Variants in FBXO9 observed in about 807,000 individuals in gnomAD.
FBXO9 encodes F-box protein 9, also known as F-box only protein 9.
Under a neutral mutation model 63.7 loss-of-function variants are expected in FBXO9, and 43 were observed. That is an observed-to-expected ratio of 0.67 (90% CI 0.53 to 0.87). FBXO9 has a LOEUF of 0.87. Among genes scored for constraint, FBXO9 ranks in the 40% least tolerant of loss-of-function variants. FBXO9 has a pLI of 0.00. For missense variants in FBXO9, 442 were observed against 533.2 expected (o/e 0.83, Z 1.68); for synonymous variants, 156 against 171.7 (o/e 0.91, Z 0.72).
chr6:53,094,002 T>C, intron 11 of FBXO9, 24 bp downstream of exon 11: 1 of 1,446,598 alleles, frequency 6.9e-7, no homozygotes, highest in South Asian at 1.3e-5. Flanking sequence ...GTGTAATTAA[T>C]AGTTTTCTTA....
chr6:53,090,363 G>A (rs561114490), intron 7 of FBXO9, among the ~76,000 whole-genome samples: 42 of 152,204 alleles, frequency 2.8e-4, no homozygotes, highest in African/African-American at 9.9e-4. Flanking sequence ...CCATTAACTT[G>A]TAATTGTATG....
intron 7 of FBXO9, among the ~76,000 whole-genome samples, chr6:53,089,868 A>G (rs1457244320): frequency 2.0e-5 from 3 of 152,356 alleles, no homozygotes; most frequent in Admixed American, 1.3e-4. Context: ...AGTACTGCAC[A>G]CTGGTTCCAA....
chr6:53,093,417 A>C, intron 9 of FBXO9, 49 bp from the exon 10 acceptor site: 3 of 1,304,264 alleles, frequency 2.3e-6, no homozygotes, highest in Non-Finnish European at 3.3e-6. Flanking sequence ...GACATATTTT[A>C]TACTTTGTGT....
intron 1 of FBXO9, among the ~76,000 whole-genome samples, chr6:53,066,515 C>T (rs894866932): frequency 6.6e-6 from 1 of 152,246 alleles, no homozygotes; most frequent in Non-Finnish European, 1.5e-5. Context: ...AAACTAATCT[C>T]TGGCTGGGGC....
intron 4 of FBXO9, among the ~76,000 whole-genome samples, 178 bp from the exon 5 acceptor site, chr6:53,078,621 C>G (rs1717934129): frequency 6.6e-6 from 1 of 152,164 alleles, no homozygotes; most frequent in African/African-American, 2.4e-5. Flanking sequence ...GGAAAAGTTT[C>G]TTTCTGAGCA....
intron 4 of FBXO9, among the ~76,000 whole-genome samples, 161 bp downstream of exon 4, chr6:53,076,704 A>AG (rs1769123477): frequency 6.6e-6 from 1 of 152,086 alleles, no homozygotes; most frequent in Non-Finnish European, 1.5e-5. Flanking sequence ...GACCCTTTGT[A>AG]GATACCAAAA....
intron 3 of FBXO9, among the ~76,000 whole-genome samples, chr6:53,074,231 T>C (rs530163672): frequency 6.6e-6 from 1 of 152,246 alleles, no homozygotes; most frequent in East Asian, 1.9e-4. Flanking sequence ...TTCTTATTCT[T>C]CTTCCATAGA....
Position 53,100,356 on chromosome 6 carries a change from C to G in FBXO9, c.*2526C>G, listed in dbSNP as rs1408332452. The G allele has an allele frequency of 6.6e-6, 1 of 152,140 alleles. No individual in the cohort carries two copies. The highest frequency in any genetic ancestry group is 1.5e-5 in the Non-Finnish European group (1 of 68,022). The allele number at this position is 152,140 out of a possible 1,614,324, so 9.4% of individuals were successfully genotyped here. On this transcript the variant is annotated 3_prime_UTR_variant, in exon 13 of 13. Coordinates refer to ENST00000323557, the MANE Select transcript of FBXO9 (RefSeq NM_033480.3). Reference sequence around the variant, plus strand: ...AAGCTGACAGCAGTATCTGGATTAACTTTTTAAAAACAATGAAAGCATTTT... The same window carrying G: ...AAGCTGACAGCAGTATCTGGATTAAGTTTTTAAAAACAATGAAAGCATTTT...
intron 7 of FBXO9, chr6:53,092,197 T>G: frequency 2.3e-6 from 1 of 431,402 alleles, no homozygotes; most frequent in Non-Finnish European, 4.2e-6. Flanking sequence ...CTGACTCTAC[T>G]TTGTCTGTTG....
At chr6:53,093,288 TGTTGCTGGACTAACAGGTAGTCA>T (rs1763099249) in intron 9 of FBXO9, 155 bp from the exon 10 acceptor site, 2 of 472,828 alleles carry the variant, frequency 4.2e-6, no homozygotes, top group Non-Finnish European at 7.5e-6. Context: ...TTTGGTTCTT[TGTTGCTGGACTAACAGGTAGTCA>T]GTAATATTTG....
rs1261672397 is a variant in FBXO9 at position 53,100,266 on chromosome 6, CTT to C, written c.*2440_*2441del. 1 of 152,152 alleles carries C rather than the reference CTT, an allele frequency of 6.6e-6. No individual in the cohort carries two copies. The highest frequency in any genetic ancestry group is 1.5e-5 in the Non-Finnish European group (1 of 68,026). The allele number at this position is 152,152 out of a possible 1,614,324, so 9.4% of individuals were successfully genotyped here. A position where few individuals can be genotyped will look rare whatever the true frequency, so the allele number is the denominator to read the frequency against. On this transcript the variant is annotated 3_prime_UTR_variant, in exon 13 of 13. Coordinates refer to ENST00000323557, the MANE Select transcript of FBXO9 (RefSeq NM_033480.3). ...GTCTTTGCAAATCCTGCCGTAGAAA[CTT>C]TTTAACTTCAGGAGTGTCCTTCCTT...
chr6:53,096,474 C>T lies in FBXO9; in HGVS notation c.1205+810C>T, dbSNP rs142546874. 2.0e-3 allele frequency among the ~76,000 whole-genome samples: 310 copies of T among 152,240 alleles called. 1 individual carries two copies. The highest frequency in any genetic ancestry group is 6.5e-3 in the African/African-American group (268 of 41,542). Reference sequence around the variant, plus strand: ...AAACTGTGTCACATTTCCACTTTACCGATAACTTTTCCCTGCTCATTTGGA... The same window carrying T: ...AAACTGTGTCACATTTCCACTTTACTGATAACTTTTCCCTGCTCATTTGGA... On this transcript the variant is annotated intron_variant, in intron 12 of 12. Coordinates refer to ENST00000323557, the MANE Select transcript of FBXO9 (RefSeq NM_033480.3).
chr6:53,077,472 CAAAAAAAAAA>C (rs1173539613), intron 4 of FBXO9, among the ~76,000 whole-genome samples: 1 of 70,464 alleles, frequency 1.4e-5, no homozygotes, highest in South Asian at 7.4e-4. Context: ...GACTCCGTCT[CAAAAAAAAAA>C]AAAAAAAAAA....
chr6:53,096,329 A>G (rs1763208675), intron 12 of FBXO9, among the ~76,000 whole-genome samples: 2 of 152,246 alleles, frequency 1.3e-5, no homozygotes, highest in African/African-American at 2.4e-5. Context: ...CTCTTGTTCA[A>G]TTTGAAAGAA....
At position 53,076,483 on chromosome 6, in the gene FBXO9, T is replaced by C. The variant is rs1260518424; in HGVS notation, c.250-3T>C. On this transcript the variant is annotated splice_region_variant and splice_polypyrimidine_tract_variant and intron_variant, in intron 3 of 12. Coordinates refer to ENST00000323557, the MANE Select transcript of FBXO9 (RefSeq NM_033480.3). The stretch of plus-strand genomic sequence containing the variant: ...CAAAAATTTTTACTTTATATTTTTA[T>C]AGGCTCGAGAACTCTTCCTAAAAGC... 2.0e-6 allele frequency: 3 copies of C among 1,535,458 alleles called. No individual in the cohort carries two copies. Among genetic ancestry groups the C allele is most frequent in the East Asian group, 4.9e-5 (2 of 41,054 alleles).
Position 53,098,169 on chromosome 6 carries a change from GC to G in FBXO9, c.*340del. 2.6e-6 allele frequency: 1 copy of G among 386,422 alleles called. No individual in the cohort carries two copies. The highest frequency in any genetic ancestry group is 5.3e-6 in the Non-Finnish European group (1 of 187,686). 23.9% of individuals were successfully genotyped at this position (386,422 alleles called of 1,614,324 possible). On this transcript the variant is annotated 3_prime_UTR_variant, in exon 13 of 13. Coordinates refer to ENST00000323557, the MANE Select transcript of FBXO9 (RefSeq NM_033480.3). ...TGCCCTTTTTCAAGCAGATTTATGAGCAGATTTCTGTCACATAAGTCGTCTT... is the reference window on the plus strand; with the variant it reads ...TGCCCTTTTTCAAGCAGATTTATGAGAGATTTCTGTCACATAAGTCGTCTT...
intron 12 of FBXO9, among the ~76,000 whole-genome samples, chr6:53,095,989 C>G (rs1402430525): frequency 6.6e-6 from 1 of 152,152 alleles, no homozygotes; most frequent in African/African-American, 2.4e-5. Context: ...TGACTTAAAG[C>G]CATTTTAAAA....
chr6:53,093,570 T>A lies in FBXO9; in HGVS notation c.959+9T>A. 1 of 1,602,786 alleles carries A rather than the reference T, an allele frequency of 6.2e-7. No individual in the cohort carries two copies. Among genetic ancestry groups the A allele is most frequent in the Non-Finnish European group, 8.5e-7 (1 of 1,170,956 alleles). ...AGAACTAGGAATACCAGGTAGCATT[T>A]GTTTTTTAAATGGCTTTCCATCCAG... On this transcript the variant is annotated intron_variant, in intron 10 of 12. Transcript: ENST00000323557.
intron 1 of FBXO9, chr6:53,066,287 C>A: frequency 3.5e-6 from 1 of 285,142 alleles, no homozygotes; most frequent in Non-Finnish European, 5.3e-6. Flanking sequence ...TAGGACGCAT[C>A]TGCCCCGCGA....
Sources: allele counts gnomAD v4.1 joint callset (sites outside exome capture counted in the v4.1 genomes callset), GRCh38; gene constraint gnomAD v4.1.1; transcripts MANE v1.5; gene names NCBI Gene and HGNC (gene_info 2026-07-23, HGNC 2026-07-21).